Variants in RANBP2 observed in about 807,000 individuals in gnomAD.
The protein encoded by RANBP2 is RAN binding protein 2.
Under a neutral mutation model 303.6 loss-of-function variants are expected in RANBP2, and 57 were observed. That is an observed-to-expected ratio of 0.19 (90% CI 0.15 to 0.23). The LOEUF (loss-of-function observed/expected upper bound fraction) is 0.23. Among genes scored for constraint, RANBP2 ranks in the 10% least tolerant of loss-of-function variants. The probability of loss-of-function intolerance (pLI) is 1.00; values close to 1 mark genes in which losing one functional copy is unlikely to be tolerated. For missense variants in RANBP2, 3,138 were observed against 3,780.8 expected (o/e 0.83, Z 4.46); for synonymous variants, 1,167 against 1,301.5 (o/e 0.90, Z 2.23).
the RANBP2 span, among the ~76,000 whole-genome samples, chr2:109,253,342 G>C: frequency 1.3e-5 from 2 of 152,166 alleles, no homozygotes; most frequent in Non-Finnish European, 2.9e-5. Flanking sequence ...TGATTAAGGT[G>C]CTTTGATTAG....
chr2:108,767,574 T>A lies in RANBP2; in HGVS notation c.7035T>A (p.Asp2345Glu). The A allele has an allele frequency of 6.2e-7, 1 of 1,611,896 alleles. No individual in the cohort carries two copies. The highest frequency in any genetic ancestry group is 8.5e-7 in the Non-Finnish European group (1 of 1,179,832). ...HRAKLYRYDK[D>E]VGQWKERGIG... ...CAAAACTCTACAGATATGATAAAGATGTTGGTCAATGGAAAGAAAGGGGCA... is the reference window on the plus strand; with the variant it reads ...CAAAACTCTACAGATATGATAAAGAAGTTGGTCAATGGAAAGAAAGGGGCA... The change falls in exon 20 of 29, where the codon GAT becomes GAA. Residue 2345 changes from aspartate to glutamate, a missense_variant. Asp to Glu is a conservative substitution (Grantham distance 45). Coordinates refer to ENST00000283195, the MANE Select transcript of RANBP2 (RefSeq NM_006267.5).
At chr2:109,266,094 G>A in the RANBP2 span, among the ~76,000 whole-genome samples, 4 of 151,684 alleles carry the variant, frequency 2.6e-5, no homozygotes, top group African/African-American at 4.9e-5. Context: ...TGTGTTGTGC[G>A]TGCATGTGTG....
At chr2:109,526,843 C>G in the RANBP2 span, among the ~76,000 whole-genome samples, 2 of 152,116 alleles carry the variant, frequency 1.3e-5, no homozygotes, top group African/African-American at 4.8e-5. Flanking sequence ...TGCTTCCTCT[C>G]TAGGAGACCC....
the RANBP2 span, among the ~76,000 whole-genome samples, chr2:109,121,645 G>A: frequency 7.9e-5 from 12 of 152,126 alleles, no homozygotes; most frequent in East Asian, 2.1e-3. Flanking sequence ...CGTTCCTCCC[G>A]ATCCTCTGTC....
chr2:109,277,735 A>G, the RANBP2 span, among the ~76,000 whole-genome samples: 2 of 152,248 alleles, frequency 1.3e-5, no homozygotes, highest in African/African-American at 4.8e-5. Flanking sequence ...CATTACCACA[A>G]GCGTGGCTGT....
At chr2:109,050,087 T>C in the RANBP2 span, among the ~76,000 whole-genome samples, 1 of 152,164 alleles carries the variant, frequency 6.6e-6, no homozygotes, top group Non-Finnish European at 1.5e-5. Flanking sequence ...TAAGTCTAAA[T>C]TGAGATGTGC....
At chr2:109,264,564 G>A in the RANBP2 span, among the ~76,000 whole-genome samples, 1 of 152,258 alleles carries the variant, frequency 6.6e-6, no homozygotes, top group Non-Finnish European at 1.5e-5. Flanking sequence ...CTTTTTGTAA[G>A]ATCTCAAGGC....
the RANBP2 span, among the ~76,000 whole-genome samples, chr2:109,147,296 T>C: frequency 6.6e-6 from 1 of 152,130 alleles, no homozygotes; most frequent in African/African-American, 2.4e-5. Context: ...TGCTGCTCTC[T>C]CTCTATCAGA....
chr2:108,750,383 TTAA>T (rs1675778328), intron 9 of RANBP2, among the ~76,000 whole-genome samples: 2 of 152,214 alleles, frequency 1.3e-5, no homozygotes, highest in African/African-American at 4.8e-5. Flanking sequence ...TTTTCCACTG[TTAA>T]TAATCATACT....
At chr2:109,415,516 C>T in the RANBP2 span, among the ~76,000 whole-genome samples, 1 of 152,108 alleles carries the variant, frequency 6.6e-6, no homozygotes, top group South Asian at 2.1e-4. Context: ...CGTGTCCAGA[C>T]CCCCTCCTGA....
At chr2:109,125,148 G>A in the RANBP2 span, among the ~76,000 whole-genome samples, 5 of 152,108 alleles carry the variant, frequency 3.3e-5, no homozygotes, top group Non-Finnish European at 7.3e-5. Flanking sequence ...GATGCTACAG[G>A]CTGCAGGCAC....
At chr2:109,206,368 G>A in the RANBP2 span, among the ~76,000 whole-genome samples, 7 of 151,766 alleles carry the variant, frequency 4.6e-5, no homozygotes, top group East Asian at 3.9e-4. Context: ...GAGGGCACCT[G>A]TAGTCCCAGC....
At chr2:108,934,969 G>T in the RANBP2 span, among the ~76,000 whole-genome samples, 1 of 152,194 alleles carries the variant, frequency 6.6e-6, no homozygotes, top group African/African-American at 2.4e-5. Flanking sequence ...CCAGTTCAGG[G>T]GTTGTGAAGC....
the RANBP2 span, chr2:109,251,563 A>G: frequency 1.2e-6 from 1 of 802,472 alleles, no homozygotes; most frequent in South Asian, 1.3e-5. Flanking sequence ...ATGTGTGGAG[A>G]TGGCGACTGG....
chr2:109,713,385 A>G, the RANBP2 span, among the ~76,000 whole-genome samples: 1 of 152,100 alleles, frequency 6.6e-6, no homozygotes, highest in Admixed American at 6.5e-5. Flanking sequence ...AGCCTTGATT[A>G]GGAGGTAGAA....
the RANBP2 span, among the ~76,000 whole-genome samples, chr2:109,755,268 C>T: frequency 7.1e-6 from 1 of 141,176 alleles, no homozygotes. Context: ...ATTTGATTTC[C>T]CCTCAGATTC....
chr2:109,009,863 G>T, the RANBP2 span, among the ~76,000 whole-genome samples: 4 of 152,088 alleles, frequency 2.6e-5, no homozygotes, highest in East Asian at 1.9e-4. Context: ...TCAGTCTTTC[G>T]TCTCTGCGCT....
At chr2:109,087,990 C>T in the RANBP2 span, among the ~76,000 whole-genome samples, 8 of 152,312 alleles carry the variant, frequency 5.3e-5, no homozygotes, top group Middle Eastern at 3.4e-3. Context: ...TTCGGCCGGG[C>T]GCGTTGGCTC....
At chr2:109,495,337 G>A in the RANBP2 span, among the ~76,000 whole-genome samples, 1 of 152,120 alleles carries the variant, frequency 6.6e-6, no homozygotes, top group African/African-American at 2.4e-5. Context: ...CTGAGTTCTG[G>A]GACCAGCCCC....
Sources: allele counts gnomAD v4.1 joint callset (sites outside exome capture counted in the v4.1 genomes callset), GRCh38; gene constraint gnomAD v4.1.1; transcripts MANE v1.5; gene names NCBI Gene and HGNC (gene_info 2026-07-23, HGNC 2026-07-21).